ENTHD1: variants seen among roughly 807,000 people sequenced by gnomAD.
ENTHD1 encodes ENTH domain-containing protein 1.
In ENTHD1, 23 loss-of-function variants were observed where a neutral mutation model predicts 39.1. The ratio of observed to expected loss-of-function variants is 0.59; its 90% CI spans 0.42 to 0.83. ENTHD1 has a LOEUF of 0.83. Ranked by LOEUF, ENTHD1 falls within the 40% of genes least tolerant of loss-of-function variation. ENTHD1 has a pLI of 0.00. For synonymous variants in ENTHD1, 230 were observed against 258.2 expected (o/e 0.89, Z 1.05); for missense variants, 624 against 705.4 (o/e 0.88, Z 1.31).
At chr22:39,757,861 G>A (rs974317840) in intron 6 of ENTHD1, among the ~76,000 whole-genome samples, 1 of 152,034 alleles carries the variant, frequency 6.6e-6, no homozygotes, top group African/African-American at 2.4e-5. Flanking sequence ...GAATTCTCAC[G>A]AGATCTGATG....
chr22:39,848,259 T>A (rs2066006920), intron 3 of ENTHD1, among the ~76,000 whole-genome samples: 2 of 141,232 alleles, frequency 1.4e-5, no homozygotes, highest in South Asian at 2.2e-4. Context: ...AATTAATTAA[T>A]TTTTTTTTTT....
chr22:39,765,283 G>T lies in ENTHD1; in HGVS notation c.1159C>A (p.Gln387Lys), dbSNP rs1304820272. ...VKEIVINKAY[Q>K]KPAQSSIQMD... ...TGAATGCTGGATTGTGCTGGTTTCT[G>T]GTAGGCCTTGTTGATTACAATCTCC... Residue 387 changes from glutamine to lysine, a missense_variant, in exon 6 of 7, where the codon CAG becomes AAG. Physicochemically the swap from Gln to Lys is moderately conservative, Grantham distance 53. Transcript: ENST00000325157. The T allele has an allele frequency of 6.2e-7, 1 of 1,613,406 alleles. No individual in the cohort carries two copies. The highest frequency in any genetic ancestry group is 2.2e-5 in the East Asian group (1 of 44,806).
chr22:39,876,662 C>T (rs988518287), intron 2 of ENTHD1, among the ~76,000 whole-genome samples: 1 of 152,024 alleles, frequency 6.6e-6, no homozygotes, highest in Non-Finnish European at 1.5e-5. Flanking sequence ...ATTCATCCAA[C>T]TGTATACTTA....
Position 39,812,650 on chromosome 22 carries a change from C to T in ENTHD1, c.832+8343G>A, listed in dbSNP as rs539132796. On this transcript the variant is annotated intron_variant, in intron 5 of 6. Coordinates refer to ENST00000325157, the MANE Select transcript of ENTHD1 (RefSeq NM_152512.4). ...CAGGGGCTCAACAACATGACTGCTCCTCACCAAGGTGACCTGGCTGCCACA... is the reference window on the plus strand; with the variant it reads ...CAGGGGCTCAACAACATGACTGCTCTTCACCAAGGTGACCTGGCTGCCACA... Among the ~76,000 whole-genome samples the T allele has an allele frequency of 2.6e-5, 4 of 152,350 alleles. No individual in the cohort carries two copies. The South Asian group carries it at 8.3e-4, about 32-fold the overall frequency.
At chr22:39,819,028 G>A (rs1221933878) in intron 5 of ENTHD1, among the ~76,000 whole-genome samples, 6 of 152,068 alleles carry the variant, frequency 3.9e-5, no homozygotes, top group East Asian at 1.9e-4. Context: ...TACAGTAGGC[G>A]AATGGATAAA....
At chr22:39,744,708 A>T (rs2065089845) in intron 6 of ENTHD1, among the ~76,000 whole-genome samples, 1 of 152,166 alleles carries the variant, frequency 6.6e-6, no homozygotes, top group Admixed American at 6.5e-5. Context: ...TTTTTCCTGT[A>T]GAGATTATTA....
At chr22:39,878,914 ATTTTAT>A (rs2066312604) in intron 2 of ENTHD1, among the ~76,000 whole-genome samples, 1 of 152,106 alleles carries the variant, frequency 6.6e-6, no homozygotes, top group African/African-American at 2.4e-5. Flanking sequence ...AATCAGAATT[ATTTTAT>A]TATTATAAGG....
intron 2 of ENTHD1, among the ~76,000 whole-genome samples, chr22:39,881,653 G>C (rs1248000211): frequency 6.6e-6 from 1 of 152,198 alleles, no homozygotes; most frequent in Non-Finnish European, 1.5e-5. Context: ...AGTAGGGATA[G>C]ACAATAAACA....
At chr22:39,787,201 G>A (rs2065465979) in intron 5 of ENTHD1, among the ~76,000 whole-genome samples, 1 of 152,116 alleles carries the variant, frequency 6.6e-6, no homozygotes, top group South Asian at 2.1e-4. Flanking sequence ...ATAAGACAGT[G>A]AACTTAATCG....
At chr22:39,768,012 A>G (rs1010223999) in intron 5 of ENTHD1, among the ~76,000 whole-genome samples, 2 of 152,186 alleles carry the variant, frequency 1.3e-5, no homozygotes, top group African/African-American at 4.8e-5. Context: ...GACCTAGAAG[A>G]AGCCAAATGA....
intron 3 of ENTHD1, among the ~76,000 whole-genome samples, chr22:39,851,757 T>C (rs1399412550): frequency 6.6e-6 from 1 of 152,238 alleles, no homozygotes. Context: ...ACAGGCAGAA[T>C]GCCAAGTCAC....
chr22:39,877,090 G>C (rs988591893), intron 2 of ENTHD1, among the ~76,000 whole-genome samples: 2 of 152,206 alleles, frequency 1.3e-5, no homozygotes, highest in Admixed American at 6.5e-5. Flanking sequence ...TGGGAACCTT[G>C]AATCACCTGT....
At chr22:39,829,648 G>A (rs1299695449) in intron 4 of ENTHD1, among the ~76,000 whole-genome samples, 4 of 151,910 alleles carry the variant, frequency 2.6e-5, no homozygotes, top group South Asian at 2.1e-4. Context: ...AAAATTAGCC[G>A]GGCATGGTGG....
intron 2 of ENTHD1, among the ~76,000 whole-genome samples, chr22:39,884,121 C>T (rs999300915): frequency 6.6e-6 from 1 of 151,678 alleles, no homozygotes; most frequent in Non-Finnish European, 1.5e-5. Flanking sequence ...GACAATATAC[C>T]CCAAATTGAT....
At chr22:39,799,250 G>A (rs986883159) in intron 5 of ENTHD1, among the ~76,000 whole-genome samples, 3 of 152,176 alleles carry the variant, frequency 2.0e-5, no homozygotes, top group Middle Eastern at 3.2e-3. Flanking sequence ...GGAGGGGAGG[G>A]TGTGCTCACA....
chr22:39,869,825 G>A (rs576028805), intron 2 of ENTHD1, among the ~76,000 whole-genome samples: 60 of 151,032 alleles, frequency 4.0e-4, no homozygotes, highest in African/African-American at 1.4e-3. Context: ...ACAAAACAAA[G>A]GCAGATATGA....
intron 5 of ENTHD1, among the ~76,000 whole-genome samples, chr22:39,803,735 T>A (rs1404972086): frequency 6.6e-6 from 1 of 152,214 alleles, no homozygotes; most frequent in Non-Finnish European, 1.5e-5. Flanking sequence ...TTTACTAAGT[T>A]GGGGTCTAGA....
chr22:39,745,313 A>G (rs781578794), intron 6 of ENTHD1, among the ~76,000 whole-genome samples: 2 of 152,236 alleles, frequency 1.3e-5, no homozygotes, highest in Non-Finnish European at 2.9e-5. Flanking sequence ...TTAAAAAAAA[A>G]TTCCATTGTA....
intron 4 of ENTHD1, among the ~76,000 whole-genome samples, chr22:39,828,037 A>G (rs1187189675): frequency 1.3e-5 from 2 of 152,244 alleles, no homozygotes; most frequent in Non-Finnish European, 2.9e-5. Context: ...CTTGAAATAT[A>G]CATTGAATGA....
Sources: gnomAD v4.1 joint callset for allele counts (sites outside exome capture counted in the v4.1 genomes callset) on GRCh38, gnomAD v4.1.1 for gene constraint, MANE v1.5 for transcripts, NCBI Gene and HGNC (gene_info 2026-07-23, HGNC 2026-07-21) for gene names.